Variants in PKIA observed in about 807,000 individuals in gnomAD.
PKIA encodes the protein cAMP-dependent protein kinase inhibitor alpha.
PKIA carries 4 observed loss-of-function variants against 7.6 expected under a neutral mutation model. The observed-to-expected ratio is 0.52, with a 90% CI of 0.26 to 1.20. PKIA has a LOEUF of 1.20. Among genes scored for constraint, PKIA ranks in the 50% most tolerant of loss-of-function variants. PKIA has a pLI of 0.13. For missense variants in PKIA, 73 were observed against 86.2 expected (o/e 0.85, Z 0.61); for synonymous variants, 21 against 30.7 (o/e 0.68, Z 1.04).
chr8:78,521,393 A>G (rs1033492038), intron 1 of PKIA, among the ~76,000 whole-genome samples: 2 of 152,076 alleles, frequency 1.3e-5, no homozygotes, highest in Admixed American at 6.6e-5. Flanking sequence ...ATCATTTTAG[A>G]TTCATAAAAA....
intron 1 of PKIA, among the ~76,000 whole-genome samples, chr8:78,548,544 C>T (rs1806892547): frequency 1.3e-5 from 2 of 152,110 alleles, no homozygotes; most frequent in Admixed American, 6.6e-5. Context: ...TTGATACATA[C>T]ATCCACCTCA....
At chr8:78,584,718 T>A (rs532431912) in intron 2 of PKIA, among the ~76,000 whole-genome samples, 1 of 152,108 alleles carries the variant, frequency 6.6e-6, no homozygotes, top group Admixed American at 6.6e-5. Context: ...TTTATTTGTA[T>A]GTATTTACTT....
At position 78,556,558 on chromosome 8, in the gene PKIA, T is replaced by G. The variant is rs565641995; in HGVS notation, c.-156-16253T>G. ...ATGACGATGAATATGAATACAGGCT[T>G]TCTCTCCAGTACAGTTGCTCTTCAT... On this transcript the variant is annotated intron_variant, in intron 1 of 3. Coordinates refer to ENST00000396418, the MANE Select transcript of PKIA (RefSeq NM_006823.4). The G allele has an allele frequency of 9.9e-5, 15 of 152,242 alleles. No individual in the cohort carries two copies. The South Asian group carries it at 2.7e-3, about 27-fold the overall frequency. The allele number at this position is 152,242 out of a possible 1,614,324, so 9.4% of individuals were successfully genotyped here. A position where few individuals can be genotyped will look rare whatever the true frequency, so the allele number is the denominator to read the frequency against.
At chr8:78,565,185 G>T (rs1430484559) in intron 1 of PKIA, among the ~76,000 whole-genome samples, 1 of 145,810 alleles carries the variant, frequency 6.9e-6, no homozygotes, top group African/African-American at 2.7e-5. Context: ...ATTGTTTTTA[G>T]AAAAAATTTC....
intron 2 of PKIA, among the ~76,000 whole-genome samples, chr8:78,583,454 C>T (rs951682420): frequency 3.3e-5 from 5 of 152,072 alleles, no homozygotes; most frequent in African/African-American, 9.7e-5. Context: ...TGCCTCATCC[C>T]TCTTGCTTTT....
intron 1 of PKIA, among the ~76,000 whole-genome samples, 170 bp from the exon 2 acceptor site, chr8:78,572,641 T>C (rs1421656444): frequency 6.6e-6 from 1 of 151,918 alleles, no homozygotes; most frequent in Non-Finnish European, 1.5e-5. Context: ...AAATTCAACC[T>C]ATACTCTCAT....
rs1808412189 is a variant in PKIA at position 78,603,830 on chromosome 8, A to T, written c.*2009A>T. ...ATGTGATTTTGAAAAGTTTAGAACC[A>T]GTGCTGAGTCTATGTGGAGGGTTTA... On this transcript the variant is annotated 3_prime_UTR_variant, in exon 4 of 4. Coordinates refer to ENST00000396418, the MANE Select transcript of PKIA (RefSeq NM_006823.4). 1 of 152,028 alleles carries T rather than the reference A, an allele frequency of 6.6e-6. No homozygotes were observed. The highest frequency in any genetic ancestry group is 2.1e-4 in the South Asian group (1 of 4,834). 9.4% of individuals were successfully genotyped at this position (152,028 alleles called of 1,614,324 possible).
At chr8:78,596,363 T>C (rs1407717772) in intron 2 of PKIA, among the ~76,000 whole-genome samples, 1 of 152,074 alleles carries the variant, frequency 6.6e-6, no homozygotes, top group Admixed American at 6.6e-5. Flanking sequence ...TTTCAGCCTC[T>C]TGAGTAGCTG....
chr8:78,572,133 A>G (rs1246757919), intron 1 of PKIA, among the ~76,000 whole-genome samples: 1 of 152,014 alleles, frequency 6.6e-6, no homozygotes, highest in African/African-American at 2.4e-5. Flanking sequence ...CTTTTTGCAT[A>G]ATTTGCTTCA....
At chr8:78,572,397 T>C (rs1053506943) in intron 1 of PKIA, among the ~76,000 whole-genome samples, 1 of 151,998 alleles carries the variant, frequency 6.6e-6, no homozygotes, top group Non-Finnish European at 1.5e-5. Flanking sequence ...TAAGTGAAGA[T>C]AGAAGAGAAA....
At chr8:78,520,475 A>G (rs531208297) in intron 1 of PKIA, among the ~76,000 whole-genome samples, 1 of 152,274 alleles carries the variant, frequency 6.6e-6, no homozygotes, top group South Asian at 2.1e-4. Flanking sequence ...CATCTTTGGT[A>G]TCTCATTTGA....
intron 1 of PKIA, among the ~76,000 whole-genome samples, chr8:78,570,042 G>A (rs78862521): frequency 0.023 from 3,545 of 152,030 alleles, 127 homozygotes; most frequent in African/African-American, 0.081. Context: ...CCTGTGGAAC[G>A]AAAAATAAAA....
intron 2 of PKIA, among the ~76,000 whole-genome samples, chr8:78,576,717 A>G (rs73687532): frequency 2.1e-3 from 319 of 152,168 alleles, no homozygotes; most frequent in African/African-American, 7.4e-3. Context: ...GGACCTCTAC[A>G]GTCCCAGGAT....
Position 78,572,809 on chromosome 8 carries a change from A to C in PKIA, c.-156-2A>C, listed in dbSNP as rs1807584968. 6.6e-6 allele frequency: 1 copy of C among 151,998 alleles called. No homozygotes were observed. The highest frequency in any genetic ancestry group is 1.5e-5 in the Non-Finnish European group (1 of 67,996). The allele number at this position is 151,998 out of a possible 1,614,324, so 9.4% of individuals were successfully genotyped here. A position where few individuals can be genotyped will look rare whatever the true frequency, so the allele number is the denominator to read the frequency against. On this transcript the variant is annotated splice_acceptor_variant, in intron 1 of 3. Transcript: ENST00000396418. LOFTEE classifies it low-confidence loss of function (5UTR_SPLICE). ...CCCTTTCTCTTGCTATCTGCATTTC[A>C]GTTTCCTGACTTTCTGAGAAGCCCT...
chr8:78,537,580 C>A (rs1451455434), intron 1 of PKIA, among the ~76,000 whole-genome samples: 1 of 149,610 alleles, frequency 6.7e-6, no homozygotes, highest in African/African-American at 2.5e-5. Context: ...TCCCAACCCC[C>A]TCTCCGTCCC....
intron 2 of PKIA, among the ~76,000 whole-genome samples, chr8:78,579,110 C>T (rs2369293): frequency 0.18 from 27,193 of 151,848 alleles, 2,851 homozygotes; most frequent in African/African-American, 0.28. Context: ...ACTCTTTCCA[C>T]CTCTAACTTT....
chr8:78,566,948 A>T (rs1807429934), intron 1 of PKIA, among the ~76,000 whole-genome samples: 1 of 152,170 alleles, frequency 6.6e-6, no homozygotes, highest in African/African-American at 2.4e-5. Context: ...ATTGAATTGG[A>T]ATTACCAACC....
intron 1 of PKIA, among the ~76,000 whole-genome samples, chr8:78,542,404 C>T (rs1563572965): frequency 2.6e-5 from 4 of 152,224 alleles, no homozygotes; most frequent in African/African-American, 9.6e-5. Flanking sequence ...CTCATAACTT[C>T]ATATGTCATC....
chr8:78,532,275 A>C (rs776266445), intron 1 of PKIA, among the ~76,000 whole-genome samples: 9 of 152,100 alleles, frequency 5.9e-5, no homozygotes, highest in Non-Finnish European at 1.2e-4. Flanking sequence ...CTTTTATAAA[A>C]GTCCATAAAT....
Sources: allele counts gnomAD v4.1 joint callset (sites outside exome capture counted in the v4.1 genomes callset), GRCh38; gene constraint gnomAD v4.1.1; transcripts MANE v1.5; gene names NCBI Gene and HGNC (gene_info 2026-07-23, HGNC 2026-07-21).